SHISA9: variants seen among roughly 807,000 people sequenced by gnomAD.
SHISA9 encodes the protein shisa family member 9.
A neutral mutation model predicts 38.0 loss-of-function variants in SHISA9; 13 were observed. The observed-to-expected ratio is 0.34, with a 90% confidence interval of 0.22 to 0.54. The LOEUF (loss-of-function observed/expected upper bound fraction) is 0.54. Among genes scored for constraint, SHISA9 ranks in the 20% least tolerant of loss-of-function variants. The pLI is 0.91. For synonymous variants in SHISA9, 275 were observed against 242.0 expected (o/e 1.14, Z -1.27); for missense variants, 538 against 575.8 (o/e 0.93, Z 0.67).
chr16:13,033,345 G>A (rs2073014655), intron 2 of SHISA9, among the ~76,000 whole-genome samples: 1 of 152,134 alleles, frequency 6.6e-6, no homozygotes, highest in African/African-American at 2.4e-5. Context: ...ATGAATACTG[G>A]ACAGGCAAAA....
At chr16:13,210,051 A>T (rs538548185) in intron 3 of SHISA9, among the ~76,000 whole-genome samples, 351 of 152,318 alleles carry the variant, frequency 2.3e-3, no homozygotes, top group Non-Finnish European at 4.0e-3. Flanking sequence ...CAGTGAGCCA[A>T]GATCACACCA....
chr16:13,039,361 G>C (rs370957294), intron 2 of SHISA9, among the ~76,000 whole-genome samples: 5 of 152,258 alleles, frequency 3.3e-5, no homozygotes, highest in African/African-American at 9.6e-5. Context: ...GCTGAGAGAG[G>C]CTAAGTGACT....
the SHISA9 span, among the ~76,000 whole-genome samples, chr16:13,320,320 A>AAAAAAT: frequency 6.8e-6 from 1 of 148,070 alleles, no homozygotes; most frequent in Non-Finnish European, 1.5e-5. Context: ...AAAAAAAAAA[A>AAAAAAT]GTAGGCAAAA....
the SHISA9 span, among the ~76,000 whole-genome samples, chr16:13,520,504 G>A: frequency 5.7e-3 from 857 of 150,568 alleles, 6 homozygotes; most frequent in African/African-American, 0.02. Context: ...TTGGGAGGCT[G>A]AGGTGGGAGA....
the SHISA9 span, among the ~76,000 whole-genome samples, chr16:13,503,679 G>A: frequency 7.8e-5 from 7 of 89,334 alleles, no homozygotes; most frequent in East Asian, 5.1e-4. Context: ...CTTGATGGAA[G>A]GAGTGACCAA....
At chr16:13,215,568 A>G (rs558826088) in intron 4 of SHISA9, among the ~76,000 whole-genome samples, 1 of 152,124 alleles carries the variant, frequency 6.6e-6, no homozygotes, top group African/African-American at 2.4e-5. Flanking sequence ...CTGTGACAGC[A>G]TTTGGAGGCA....
At chr16:12,945,255 A>G (rs1194046613) in intron 2 of SHISA9, among the ~76,000 whole-genome samples, 1 of 152,160 alleles carries the variant, frequency 6.6e-6, no homozygotes, top group African/African-American at 2.4e-5. Context: ...TGTCTGATAC[A>G]GGACATCTGG....
At chr16:13,492,656 A>G in the SHISA9 span, among the ~76,000 whole-genome samples, 4 of 152,222 alleles carry the variant, frequency 2.6e-5, no homozygotes, top group Non-Finnish European at 1.5e-5. Flanking sequence ...CACCTGACTC[A>G]GAGTGGGAAA....
chr16:13,108,340 G>T (rs73520672), intron 2 of SHISA9, among the ~76,000 whole-genome samples: 1 of 152,074 alleles, frequency 6.6e-6, no homozygotes, highest in Non-Finnish European at 1.5e-5. Context: ...ATGTTACTCA[G>T]CCTGGTCTCA....
intron 1 of SHISA9, among the ~76,000 whole-genome samples, chr16:12,903,731 G>A (rs891391877): frequency 2.0e-5 from 3 of 151,992 alleles, no homozygotes; most frequent in African/African-American, 7.2e-5. Context: ...CAGAGTCTGG[G>A]CAACGAAGTC....
chr16:13,199,902 A>T (rs923148750), intron 2 of SHISA9, among the ~76,000 whole-genome samples: 3 of 152,198 alleles, frequency 2.0e-5, no homozygotes, highest in Non-Finnish European at 4.4e-5. Context: ...TTCAACTGCC[A>T]GCTCTTACAT....
the SHISA9 span, among the ~76,000 whole-genome samples, chr16:13,362,710 CTCTT>C: frequency 2.0e-5 from 3 of 152,200 alleles, no homozygotes; most frequent in Non-Finnish European, 4.4e-5. Flanking sequence ...GTAGTTTCCT[CTCTT>C]TCACTTCTCA....
intron 2 of SHISA9, among the ~76,000 whole-genome samples, chr16:13,010,781 G>A (rs1297274692): frequency 2.6e-5 from 4 of 152,082 alleles, no homozygotes; most frequent in African/African-American, 7.2e-5. Context: ...GTGAAACCCC[G>A]TCTCTACTAA....
At chr16:13,011,568 C>T (rs952510456) in intron 2 of SHISA9, among the ~76,000 whole-genome samples, 9 of 152,152 alleles carry the variant, frequency 5.9e-5, no homozygotes, top group African/African-American at 2.2e-4. Flanking sequence ...TTCGCCCAGG[C>T]TGGAGTGCAG....
the SHISA9 span, among the ~76,000 whole-genome samples, chr16:13,346,463 T>C: frequency 6.6e-6 from 1 of 152,206 alleles, no homozygotes; most frequent in African/African-American, 2.4e-5. Flanking sequence ...TTCTATTAAA[T>C]GTACCAATTT....
chr16:13,250,544 T>G, the SHISA9 span, among the ~76,000 whole-genome samples: 1 of 152,178 alleles, frequency 6.6e-6, no homozygotes, highest in Non-Finnish European at 1.5e-5. Flanking sequence ...TTGCATTCAG[T>G]GATTTTTTTA....
chr16:13,394,095 T>A, the SHISA9 span, among the ~76,000 whole-genome samples: 166 of 152,304 alleles, frequency 1.1e-3, 1 homozygote, highest in African/African-American at 3.5e-3. Flanking sequence ...AGTTCCCAGC[T>A]GAGGCTGTAA....
chr16:13,284,020 A>G, the SHISA9 span, among the ~76,000 whole-genome samples: 13 of 152,154 alleles, frequency 8.5e-5, no homozygotes, highest in African/African-American at 2.4e-4. Context: ...CTCTCTGCAC[A>G]TCTTCCATCC....
chr16:13,370,169 T>C, the SHISA9 span, among the ~76,000 whole-genome samples: 1 of 152,154 alleles, frequency 6.6e-6, no homozygotes, highest in East Asian at 1.9e-4. Context: ...GCCACGACCA[T>C]GGGTTTTGTC....
Sources: gnomAD v4.1 joint callset for allele counts (sites outside exome capture counted in the v4.1 genomes callset) on GRCh38, gnomAD v4.1.1 for gene constraint, MANE v1.5 for transcripts, NCBI Gene and HGNC (gene_info 2026-07-23, HGNC 2026-07-21) for gene names.